MAGI3: variants seen among roughly 807,000 people sequenced by gnomAD.
MAGI3 encodes the protein membrane-associated guanylate kinase, WW and PDZ domain-containing protein 3.
MAGI3 carries 43 observed loss-of-function variants against 121.8 expected under a neutral mutation model. The observed-to-expected ratio is 0.35, with a 90% CI of 0.28 to 0.46. MAGI3 has a LOEUF of 0.46. Among genes scored for constraint, MAGI3 ranks in the 20% least tolerant of loss-of-function variants. The pLI is 1.00. For synonymous variants in MAGI3, 553 were observed against 639.3 expected, an observed-to-expected ratio of 0.86 and a Z score of 2.04; for missense variants, 1,547 against 1,797.3, an observed-to-expected ratio of 0.86 and a Z score of 2.52.
At chr1:113,531,750 G>T (rs755732068) in intron 1 of MAGI3, among the ~76,000 whole-genome samples, 8 of 151,598 alleles carry the variant, frequency 5.3e-5, no homozygotes, top group Admixed American at 5.3e-4. Context: ...GCGGGGACAG[G>T]GTACCTTTCT....
At chr1:113,529,797 A>G (rs1424722272) in intron 1 of MAGI3, among the ~76,000 whole-genome samples, 1 of 152,192 alleles carries the variant, frequency 6.6e-6, no homozygotes, top group Non-Finnish European at 1.5e-5. Context: ...TATAAACATT[A>G]TATTTTATTT....
chr1:113,511,930 C>T (rs1395466303), intron 1 of MAGI3, among the ~76,000 whole-genome samples: 1 of 152,184 alleles, frequency 6.6e-6, no homozygotes, highest in African/African-American at 2.4e-5. Flanking sequence ...CATTAAACAG[C>T]ATTATTGTGA....
chr1:113,405,753 C>A (rs1253251489), intron 1 of MAGI3, among the ~76,000 whole-genome samples: 1 of 152,024 alleles, frequency 6.6e-6, no homozygotes, highest in Non-Finnish European at 1.5e-5. Context: ...TGATTTGCTC[C>A]CTCTGCAGTT....
chr1:113,449,698 A>G (rs1286449168), intron 1 of MAGI3: 3 of 844,348 alleles, frequency 3.6e-6, no homozygotes, highest in African/African-American at 3.3e-5. Flanking sequence ...TCTGGTCTCA[A>G]AATGGAGGGC....
At chr1:113,657,790 A>T (rs1294235172) in intron 15 of MAGI3, among the ~76,000 whole-genome samples, 1 of 152,248 alleles carries the variant, frequency 6.6e-6, no homozygotes, top group Non-Finnish European at 1.5e-5. Flanking sequence ...TTGTAAGGAA[A>T]ATAGAATAAT....
chr1:113,623,055 G>A lies in MAGI3; in HGVS notation c.1360+61G>A, dbSNP rs2799389. The A allele has an allele frequency of 8.1e-4, 858 of 1,059,112 alleles. 6 individuals are homozygous for A. In the African/African-American group the frequency reaches 0.013, roughly 17 times the overall value. The allele number at this position is 1,059,112 out of a possible 1,614,324, so 65.6% of individuals were successfully genotyped here. A position where few individuals can be genotyped will look rare whatever the true frequency, so the allele number is the denominator to read the frequency against. ...ATACTATAACAAAAATTATAGTGAAGAGATTTTATATACATAAAGAGAGAG... is the reference window on the plus strand; with the variant it reads ...ATACTATAACAAAAATTATAGTGAAAAGATTTTATATACATAAAGAGAGAG... On this transcript the variant is annotated intron_variant, in intron 9 of 20. Coordinates refer to ENST00000307546, the MANE Select transcript of MAGI3 (RefSeq NM_001142782.2).
intron 6 of MAGI3, among the ~76,000 whole-genome samples, chr1:113,604,981 A>G (rs1649665871): frequency 6.7e-6 from 1 of 149,870 alleles, no homozygotes; most frequent in Admixed American, 6.7e-5. Flanking sequence ...CATATATAAT[A>G]TATAATATAT....
chr1:113,453,475 CT>C (rs978269899), intron 1 of MAGI3, among the ~76,000 whole-genome samples: 3 of 152,074 alleles, frequency 2.0e-5, no homozygotes, highest in Non-Finnish European at 4.4e-5. Context: ...TAGAAACACC[CT>C]TTTTGTACTC....
intron 14 of MAGI3, among the ~76,000 whole-genome samples, chr1:113,651,949 TA>T (rs1477474022): frequency 1.3e-5 from 2 of 152,218 alleles, no homozygotes; most frequent in African/African-American, 4.8e-5. Context: ...TAGTATAATT[TA>T]ACATTTATTG....
At chr1:113,423,969 G>C (rs1269310508) in intron 1 of MAGI3, among the ~76,000 whole-genome samples, 1 of 152,196 alleles carries the variant, frequency 6.6e-6, no homozygotes, top group African/African-American at 2.4e-5. Flanking sequence ...AGCCTGGGCA[G>C]GGAGAAGCCA....
rs139513431 is a variant in MAGI3, at chr1:113,610,072, T to A, written c.1019-4529T>A. 5.1e-3 allele frequency among the ~76,000 whole-genome samples: 771 copies of A among 152,304 alleles called. 4 individuals are homozygous for A. Among genetic ancestry groups the A allele is most frequent in the African/African-American group, 0.018 (744 of 41,564 alleles). ...GGTTACCAGTAACCTCCTGATCTTA[T>A]AGACTCTTTTTAGCCCTTATCTTTA... On this transcript the variant is annotated intron_variant, in intron 6 of 20. Transcript: ENST00000307546.
intron 1 of MAGI3, among the ~76,000 whole-genome samples, chr1:113,454,065 C>T (rs1461872983): frequency 6.6e-6 from 1 of 152,036 alleles, no homozygotes; most frequent in Admixed American, 6.6e-5. Context: ...GAAGAGTTAC[C>T]AAAACTGATC....
At chr1:113,539,528 A>AT (rs1024651237) in intron 1 of MAGI3, among the ~76,000 whole-genome samples, 2 of 151,546 alleles carry the variant, frequency 1.3e-5, no homozygotes. Flanking sequence ...TGTCGCTTAC[A>AT]TTTTTTTTAA....
At chr1:113,628,017 T>C (rs1168316347) in intron 9 of MAGI3, among the ~76,000 whole-genome samples, 6 of 152,060 alleles carry the variant, frequency 3.9e-5, no homozygotes, top group Non-Finnish European at 8.8e-5. Flanking sequence ...TCCATATGGA[T>C]TGAGTGTTAT....
intron 9 of MAGI3, among the ~76,000 whole-genome samples, chr1:113,625,376 A>G (rs1651179463): frequency 6.6e-6 from 1 of 152,158 alleles, no homozygotes; most frequent in South Asian, 2.1e-4. Flanking sequence ...AGTTTCTTGC[A>G]TCAGCATTTT....
Position 113,684,273 on chromosome 1 carries a change from G to C in MAGI3, c.*259G>C, listed in dbSNP as rs1648414191. The C allele has an allele frequency of 1.3e-5, 4 of 308,456 alleles. No homozygotes were observed. The Admixed American group carries it at 1.8e-4, about 14-fold the overall frequency. The allele number at this position is 308,456 out of a possible 1,614,324, so 19.1% of individuals were successfully genotyped here. ...TGACCCGCCCTGCTCAGGCTGCCCA[G>C]CTCGTCTTCATGAGTGTCTGAACAA... On this transcript the variant is annotated 3_prime_UTR_variant, in exon 21 of 21. Coordinates refer to ENST00000307546, the MANE Select transcript of MAGI3 (RefSeq NM_001142782.2).
rs1571051750 is a variant in MAGI3 at position 113,684,664 on chromosome 1, T to A, written c.*650T>A. The A allele has an allele frequency of 6.6e-6, 1 of 152,510 alleles. No homozygotes were observed. Among genetic ancestry groups the A allele is most frequent in the Non-Finnish European group, 1.5e-5 (1 of 68,036 alleles). The allele number at this position is 152,510 out of a possible 1,614,324, so 9.4% of individuals were successfully genotyped here. On this transcript the variant is annotated 3_prime_UTR_variant, in exon 21 of 21. Coordinates refer to ENST00000307546, the MANE Select transcript of MAGI3 (RefSeq NM_001142782.2). ...GGCTTTTTATTTTAATTTGGCTGGA[T>A]AAGTTGTTTCAAATAACTGTTAAAG...
intron 17 of MAGI3, 79 bp downstream of exon 17, chr1:113,671,915 C>T (rs556395251): frequency 1.6e-6 from 2 of 1,226,668 alleles, no homozygotes; most frequent in East Asian, 2.5e-5. Flanking sequence ...ACCCCACTCC[C>T]CATCATCCAC....
chr1:113,639,773 G>T (rs1477857734), intron 9 of MAGI3, among the ~76,000 whole-genome samples: 1 of 152,060 alleles, frequency 6.6e-6, no homozygotes, highest in African/African-American at 2.4e-5. Flanking sequence ...TCATCATGTT[G>T]GCCAGGCTGG....
Sources: allele counts gnomAD v4.1 joint callset (sites outside exome capture counted in the v4.1 genomes callset), GRCh38; gene constraint gnomAD v4.1.1; transcripts MANE v1.5; gene names NCBI Gene and HGNC (gene_info 2026-07-23, HGNC 2026-07-21).